The following ESR1 variants were observed in gnomAD, a reference collection of about 807,000 sequenced individuals.
ESR1 encodes estrogen receptor 1.
Under a neutral mutation model 52.7 loss-of-function variants are expected in ESR1, and 12 were observed. The observed-to-expected ratio is 0.23, with a 90% confidence interval of 0.15 to 0.37. The LOEUF is 0.37. Among genes scored for constraint, ESR1 ranks in the 10% least tolerant of loss-of-function variants. ESR1 has a pLI of 1.00. For synonymous variants in ESR1, 305 were observed against 316.8 expected, an observed-to-expected ratio of 0.96 and a Z score of 0.39; for missense variants, 584 against 779.7, an observed-to-expected ratio of 0.75 and a Z score of 2.99.
At chr6:151,987,211 C>T (rs2040572297) in intron 4 of ESR1, among the ~76,000 whole-genome samples, 3 of 152,144 alleles carry the variant, frequency 2.0e-5, no homozygotes, top group East Asian at 1.9e-4. Flanking sequence ...CCTACTGCAC[C>T]CACCCAGCAA....
chr6:152,001,963 G>A (rs1330318173), intron 4 of ESR1, among the ~76,000 whole-genome samples: 1 of 151,974 alleles, frequency 6.6e-6, no homozygotes, highest in African/African-American at 2.4e-5. Flanking sequence ...TTCTGTATAT[G>A]GAGCCATAGG....
rs116240327 is a variant in ESR1, at chr6:151,699,596, A to T, written c.-201-2279A>T. Among the ~76,000 whole-genome samples, 1,361 of 152,324 alleles carry T rather than the reference A, an allele frequency of 8.9e-3. 22 individuals are homozygous for T. Among genetic ancestry groups the T allele is most frequent in the African/African-American group, 0.032 (1,318 of 41,572 alleles). ...ATTAACCAAGGCAACCCTCAAAAAT[A>T]TTGAGAAGGCAACTAAGAAAAATTT... is the stretch of plus-strand genomic sequence containing the variant. On this transcript the variant is annotated intron_variant, in intron 1 of 2. Transcript: ENST00000404742.
intron 3 of ESR1, among the ~76,000 whole-genome samples, chr6:151,882,524 C>T (rs893787546): frequency 4.6e-5 from 7 of 152,114 alleles, no homozygotes; most frequent in South Asian, 2.1e-4. Flanking sequence ...TTACAAAATG[C>T]GTCTTAAGGT....
At chr6:151,975,340 C>G (rs994585668) in intron 4 of ESR1, among the ~76,000 whole-genome samples, 15 of 152,136 alleles carry the variant, frequency 9.9e-5, no homozygotes, top group African/African-American at 1.4e-4. Flanking sequence ...AAACTCCCCC[C>G]ACTCTTTTTT....
intron 3 of ESR1, among the ~76,000 whole-genome samples, chr6:151,929,456 A>G (rs929669368): frequency 6.6e-6 from 1 of 152,098 alleles, no homozygotes; most frequent in Non-Finnish European, 1.5e-5. Flanking sequence ...GAGTTATTAC[A>G]TTTAAAGTGG....
chr6:151,705,272 C>A (rs1780100200), intron 2 of ESR1, among the ~76,000 whole-genome samples: 1 of 152,142 alleles, frequency 6.6e-6, no homozygotes, highest in African/African-American at 2.4e-5. Context: ...TTCTCTTCCT[C>A]TAGTGAAAAT....
intron 3 of ESR1, among the ~76,000 whole-genome samples, chr6:151,928,206 G>T (rs1365441422): frequency 1.3e-5 from 2 of 152,066 alleles, no homozygotes; most frequent in African/African-American, 4.8e-5. Flanking sequence ...ACTGTAATTT[G>T]AAAATATCAT....
rs1585257438 is a variant in ESR1 at position 152,099,330 on chromosome 6, A to G, written c.*364A>G. The G allele has an allele frequency of 7.7e-6, 3 of 390,628 alleles. No homozygotes were observed. In the East Asian group the frequency reaches 1.3e-4, roughly 16 times the overall value. The allele number at this position is 390,628 out of a possible 1,614,324, so 24.2% of individuals were successfully genotyped here. ...AGAGACCCAGGCCTGGAGAGTAGAC[A>G]TTTTGCCTCTGATAAGCACTTTTTA... On this transcript the variant is annotated 3_prime_UTR_variant, in exon 8 of 8. Transcript: ENST00000206249.
chr6:151,967,224 T>G (rs540375810), intron 4 of ESR1, among the ~76,000 whole-genome samples: 116 of 152,298 alleles, frequency 7.6e-4, no homozygotes, highest in Admixed American at 7.8e-4. Flanking sequence ...GGGATACATG[T>G]GCAGAACATG....
chr6:151,783,733 T>C (rs1786763468), intron 2 of ESR1, among the ~76,000 whole-genome samples: 1 of 152,216 alleles, frequency 6.6e-6, no homozygotes, highest in Non-Finnish European at 1.5e-5. Context: ...GTTATTTTAT[T>C]ATTAACTTAA....
chr6:152,002,318 C>T (rs1192594720), intron 4 of ESR1, among the ~76,000 whole-genome samples: 12 of 151,738 alleles, frequency 7.9e-5, no homozygotes, highest in African/African-American at 1.7e-4. Flanking sequence ...CTTGTCCATG[C>T]GGTTTGGAGA....
Position 152,101,468 on chromosome 6 carries a change from GT to G in ESR1, c.*2505del, listed in dbSNP as rs2050962855. The G allele has an allele frequency of 4.3e-6, 1 of 232,592 alleles. No homozygotes were observed. The highest frequency in any genetic ancestry group is 2.2e-5 in the African/African-American group (1 of 45,296). 14.4% of individuals were successfully genotyped at this position (232,592 alleles called of 1,614,324 possible). A position where few individuals can be genotyped will look rare whatever the true frequency, so the allele number is the denominator to read the frequency against. Reference sequence around the variant, plus strand: ...AGGTTTTACATTATTCATCCAATGTGTTTCTATTCATGTTAAGATACTACTA... The same window carrying G: ...AGGTTTTACATTATTCATCCAATGTGTTCTATTCATGTTAAGATACTACTA... On this transcript the variant is annotated 3_prime_UTR_variant, in exon 8 of 8. Transcript: ENST00000206249.
intron 2 of ESR1, among the ~76,000 whole-genome samples, chr6:151,740,526 A>T (rs988128074): frequency 6.6e-6 from 1 of 151,846 alleles, no homozygotes; most frequent in Non-Finnish European, 1.5e-5. Flanking sequence ...TCTCACCTCC[A>T]GGAAACTCTT....
At chr6:151,909,719 TGGAAC>T (rs1460064078) in intron 3 of ESR1, among the ~76,000 whole-genome samples, 1 of 152,116 alleles carries the variant, frequency 6.6e-6, no homozygotes, top group Admixed American at 6.5e-5. Flanking sequence ...GCATGACCCC[TGGAAC>T]TTGGCCAACT....
chr6:151,948,618 C>A (rs117233406), intron 4 of ESR1, among the ~76,000 whole-genome samples: 3,036 of 152,248 alleles, frequency 0.02, 56 homozygotes, highest in East Asian at 0.1. Flanking sequence ...CCTGCCGAGT[C>A]CCCCTCTAAT....
chr6:151,969,733 A>G (rs565374365), intron 4 of ESR1, among the ~76,000 whole-genome samples: 1 of 152,288 alleles, frequency 6.6e-6, no homozygotes, highest in Admixed American at 6.5e-5. Context: ...GCCTGTTTCC[A>G]TTGTGAGCAT....
At chr6:151,781,801 GCA>G (rs1491427264) in intron 2 of ESR1, among the ~76,000 whole-genome samples, 13,047 of 145,172 alleles carry the variant, frequency 0.09, 668 homozygotes, top group African/African-American at 0.11. Flanking sequence ...AAAGTATTGT[GCA>G]CAAAAAAAAA....
intron 1 of ESR1, among the ~76,000 whole-genome samples, chr6:151,838,426 G>T (rs547225866): frequency 6.6e-6 from 1 of 152,250 alleles, no homozygotes; most frequent in African/African-American, 2.4e-5. Flanking sequence ...CCAGATTGGT[G>T]CCTGACCCAC....
chr6:151,969,550 TG>T (rs2038680757), intron 4 of ESR1, among the ~76,000 whole-genome samples: 1 of 152,186 alleles, frequency 6.6e-6, no homozygotes, highest in Non-Finnish European at 1.5e-5. Flanking sequence ...CAGCAGCAGG[TG>T]GTGGCATAAC....
Sources: allele counts gnomAD v4.1 joint callset (sites outside exome capture counted in the v4.1 genomes callset), GRCh38; gene constraint gnomAD v4.1.1; transcripts MANE v1.5; gene names NCBI Gene and HGNC (gene_info 2026-07-23, HGNC 2026-07-21).